Variants in JAKMIP1 observed in about 807,000 individuals in gnomAD.
JAKMIP1 encodes janus kinase and microtubule-interacting protein 1.
A neutral mutation model predicts 113.0 loss-of-function variants in JAKMIP1; 33 were observed. The ratio of observed to expected loss-of-function variants is 0.29; its 90% CI spans 0.22 to 0.39. JAKMIP1 has a LOEUF of 0.39. JAKMIP1 is among the 10% of genes least tolerant of loss of function. The pLI, the probability that JAKMIP1 is intolerant of heterozygous loss-of-function variation, is 1.00. For missense variants in JAKMIP1, 813 were observed against 1,080.5 expected, an observed-to-expected ratio of 0.75 and a Z score of 3.47; for synonymous variants, 480 against 459.9, an observed-to-expected ratio of 1.04 and a Z score of -0.56.
chr4:6,182,552 CCT>C (rs1726167264), intron 1 of JAKMIP1, among the ~76,000 whole-genome samples: 1 of 152,184 alleles, frequency 6.6e-6, no homozygotes, highest in Non-Finnish European at 1.5e-5. Flanking sequence ...GGAAGAGGGG[CCT>C]CACCATGAAC....
At chr4:6,164,470 C>T (rs776541585) in intron 1 of JAKMIP1, among the ~76,000 whole-genome samples, 3 of 152,190 alleles carry the variant, frequency 2.0e-5, no homozygotes, top group Non-Finnish European at 4.4e-5. Flanking sequence ...GTTGTCATGC[C>T]TGCTAACACA....
In JAKMIP1 at chr4:6,154,893, C is replaced by A. The variant is rs1722041100; in HGVS notation, c.-147-41896G>T. Reference sequence around the variant, plus strand: ...ATCCATCGCCTCCCACAGGAAGCCCCCTGAGACCCTCTCACTCCACAAACC... The same window carrying A: ...ATCCATCGCCTCCCACAGGAAGCCCACTGAGACCCTCTCACTCCACAAACC... On this transcript the variant is annotated intron_variant, in intron 1 of 20. Coordinates refer to ENST00000409021, the MANE Select transcript of JAKMIP1 (RefSeq NM_001099433.2). This position sits in a 1 kb window ranked among gnomAD's most constrained non-coding sequence, Gnocchi z 4.2. Among the ~76,000 whole-genome samples the A allele has an allele frequency of 6.6e-6, 1 of 152,028 alleles. No homozygotes were observed. Among genetic ancestry groups the A allele is most frequent in the Admixed American group, 6.6e-5 (1 of 15,264 alleles).
chr4:6,035,216 A>G (rs976192546), intron 19 of JAKMIP1, among the ~76,000 whole-genome samples: 14 of 151,118 alleles, frequency 9.3e-5, no homozygotes, highest in Non-Finnish European at 1.5e-4. Flanking sequence ...GATCCTTACT[A>G]TCTGGGTGAC....
In JAKMIP1 at chr4:6,094,648, A is replaced by T. The variant is rs1009153820; in HGVS notation, c.625-9019T>A. ...TAGTTCCCAACAGTGGCACTCTTTCAAAAATAAAGTTTTAACTCTTATTAG... is the reference window on the plus strand; with the variant it reads ...TAGTTCCCAACAGTGGCACTCTTTCTAAAATAAAGTTTTAACTCTTATTAG... On this transcript the variant is annotated intron_variant, in intron 3 of 20. Coordinates refer to ENST00000409021, the MANE Select transcript of JAKMIP1 (RefSeq NM_001099433.2). The surrounding 1 kb of genome is among the most constrained non-coding windows in gnomAD (Gnocchi z 4.2). Among the ~76,000 whole-genome samples the T allele has an allele frequency of 3.3e-5, 5 of 152,244 alleles. No homozygotes were observed. The highest frequency in any genetic ancestry group is 1.2e-4 in the African/African-American group (5 of 41,466).
intron 7 of JAKMIP1, 45 bp from the exon 8 acceptor site, chr4:6,079,043 C>T: frequency 6.2e-7 from 1 of 1,609,142 alleles, no homozygotes; most frequent in Non-Finnish European, 8.5e-7. Flanking sequence ...AGCCTCACAT[C>T]TCACAAACCA....
chr4:6,046,411 G>A (rs1050213026), intron 16 of JAKMIP1, among the ~76,000 whole-genome samples: 3 of 152,226 alleles, frequency 2.0e-5, no homozygotes, highest in East Asian at 1.9e-4. Context: ...TCAAAGACGC[G>A]GAGCTGGGCA....
Position 6,183,369 on chromosome 4 carries a change from C to A in JAKMIP1, c.-148+16884G>T, listed in dbSNP as rs1726262275. On this transcript the variant is annotated intron_variant, in intron 1 of 20. Coordinates refer to ENST00000409021, the MANE Select transcript of JAKMIP1 (RefSeq NM_001099433.2). This position sits in a 1 kb window ranked among gnomAD's most constrained non-coding sequence, Gnocchi z 5.3. ...TGGCGGGTGCCTGTAATACCAACTA[C>A]TTGGGAGGCCGAGGCAGGAGAGTCG... Among the ~76,000 whole-genome samples, 1 of 151,792 alleles carries A rather than the reference C, an allele frequency of 6.6e-6. No individual in the cohort carries two copies. Among genetic ancestry groups the A allele is most frequent in the South Asian group, 2.1e-4 (1 of 4,792 alleles).
rs114227887 is a variant in JAKMIP1, at chr4:6,154,663, T to C, written c.-147-41666A>G. 9.8e-3 allele frequency among the ~76,000 whole-genome samples: 1,484 copies of C among 151,582 alleles called. 18 individuals carry two copies. The highest frequency in any genetic ancestry group is 0.034 in the African/African-American group (1,412 of 41,226). On this transcript the variant is annotated intron_variant, in intron 1 of 20. Coordinates refer to ENST00000409021, the MANE Select transcript of JAKMIP1 (RefSeq NM_001099433.2). The surrounding 1 kb of genome is among the most constrained non-coding windows in gnomAD (Gnocchi z 4.2). ...GGGACTGTGCCCAACTCTGCAGCCC[T>C]GGCAAATGGAATTCTTTTCAATCCG...
intron 8 of JAKMIP1, among the ~76,000 whole-genome samples, chr4:6,066,049 A>G (rs954210800): frequency 6.6e-6 from 1 of 152,110 alleles, no homozygotes; most frequent in Non-Finnish European, 1.5e-5. Flanking sequence ...TTTTACAATC[A>G]ATGAATGCCT....
chr4:6,034,847 C>T (rs67700466), intron 19 of JAKMIP1, among the ~76,000 whole-genome samples: 32,370 of 152,094 alleles, frequency 0.21, 5,829 homozygotes, highest in African/African-American at 0.49. Context: ...GGAGGTCTTT[C>T]TTAGATGAGA....
chr4:6,152,328 T>G (rs1721665161), intron 1 of JAKMIP1, among the ~76,000 whole-genome samples: 1 of 152,164 alleles, frequency 6.6e-6, no homozygotes, highest in South Asian at 2.1e-4. Flanking sequence ...AAGCCTTCCT[T>G]TCTTCCTCTT....
rs1351873404 is a variant in JAKMIP1 at position 6,142,311 on chromosome 4, T to C, written c.-147-29314A>G. 1.3e-5 allele frequency among the ~76,000 whole-genome samples: 2 copies of C among 152,112 alleles called. No homozygotes were observed. The highest frequency in any genetic ancestry group is 2.4e-5 in the African/African-American group (1 of 41,422). On this transcript the variant is annotated intron_variant, in intron 1 of 20. Coordinates refer to ENST00000409021, the MANE Select transcript of JAKMIP1 (RefSeq NM_001099433.2). The surrounding 1 kb of genome is among the most constrained non-coding windows in gnomAD (Gnocchi z 5.5). ...AAAGTTTCGAAGAGGCTCGTACCCATGTATGCCCGCACAGGCAGGGGAAAG... is the reference window on the plus strand; with the variant it reads ...AAAGTTTCGAAGAGGCTCGTACCCACGTATGCCCGCACAGGCAGGGGAAAG...
chr4:6,167,922 T>C lies in JAKMIP1; in HGVS notation c.-148+32331A>G, dbSNP rs546553704. ...TGACTGCGCCAGATCGCTGCACCAG[T>C]GAGACTTTGTCTCCCAGAGCTGACA... On this transcript the variant is annotated intron_variant, in intron 1 of 20. Coordinates refer to ENST00000409021, the MANE Select transcript of JAKMIP1 (RefSeq NM_001099433.2). This position sits in a 1 kb window ranked among gnomAD's most constrained non-coding sequence, Gnocchi z 5.3. 7.2e-5 allele frequency among the ~76,000 whole-genome samples: 11 copies of C among 152,196 alleles called. No homozygotes were observed. Among genetic ancestry groups the C allele is most frequent in the Non-Finnish European group, 1.5e-4 (10 of 68,032 alleles).
intron 1 of JAKMIP1, among the ~76,000 whole-genome samples, chr4:6,159,757 G>A (rs1396130149): frequency 2.0e-5 from 3 of 152,156 alleles, no homozygotes; most frequent in African/African-American, 4.8e-5. Context: ...GTGCCGCTGG[G>A]CAATTTCTAT....
intron 1 of JAKMIP1, among the ~76,000 whole-genome samples, chr4:6,198,589 C>G (rs931243742): frequency 1.2e-4 from 18 of 152,154 alleles, no homozygotes; most frequent in African/African-American, 4.1e-4. Context: ...AAGAATTACC[C>G]CAGACTCCAG....
chr4:6,149,704 T>C (rs1721324647), intron 1 of JAKMIP1, among the ~76,000 whole-genome samples: 1 of 152,176 alleles, frequency 6.6e-6, no homozygotes, highest in Admixed American at 6.5e-5. Flanking sequence ...AGGGTTTTTT[T>C]CTTCTGATCT....
chr4:6,146,013 C>T (rs1202701489), intron 1 of JAKMIP1, among the ~76,000 whole-genome samples: 2 of 152,158 alleles, frequency 1.3e-5, no homozygotes, highest in African/African-American at 2.4e-5. Context: ...CAGCCCATAG[C>T]ACGTTGCAAG....
chr4:6,113,518 G>A (rs1212035155), intron 1 of JAKMIP1, among the ~76,000 whole-genome samples: 1 of 152,230 alleles, frequency 6.6e-6, no homozygotes, highest in Admixed American at 6.5e-5. Context: ...GATTTCAGAG[G>A]TTAGTGGTTT....
intron 3 of JAKMIP1, among the ~76,000 whole-genome samples, chr4:6,090,025 C>T (rs1216402689): frequency 6.6e-6 from 1 of 152,036 alleles, no homozygotes; most frequent in Non-Finnish European, 1.5e-5. Context: ...AGTCTGAGAC[C>T]AACCTGGCCA....
Sources: gnomAD v4.1 joint callset for allele counts (sites outside exome capture counted in the v4.1 genomes callset) on GRCh38, gnomAD v4.1.1 for gene constraint, Gnocchi (gnomAD v3.1) non-coding constraint, MANE v1.5 for transcripts, NCBI Gene and HGNC (gene_info 2026-07-23, HGNC 2026-07-21) for gene names.